Variants in ZNF618 observed in about 807,000 individuals in gnomAD.
ZNF618 encodes neural precursor cell expressed, developmentally down-regulated 10.
ZNF618 carries 34 observed loss-of-function variants against 103.0 expected under a neutral mutation model. That is an observed-to-expected ratio of 0.33 (90% confidence interval 0.25 to 0.44). The LOEUF (loss-of-function observed/expected upper bound fraction) is 0.44. Ranked by LOEUF, ZNF618 falls within the 20% of genes least tolerant of loss-of-function variation. ZNF618 has a pLI of 1.00. For missense variants in ZNF618, 1,059 were observed against 1,295.4 expected (o/e 0.82, Z 2.80); for synonymous variants, 551 against 542.2 (o/e 1.02, Z -0.23).
intron 9 of ZNF618, 128 bp downstream of exon 9, chr9:114,008,682 C>A: frequency 9.2e-7 from 1 of 1,084,400 alleles, no homozygotes; most frequent in Non-Finnish European, 1.4e-6. Flanking sequence ...GGTGCCCAAC[C>A]TGTCAGTTGG....
intron 11 of ZNF618, 79 bp from the exon 12 acceptor site, chr9:114,032,566 C>CGAAG (rs1414825076): frequency 1.2e-5 from 16 of 1,381,728 alleles, no homozygotes; most frequent in African/African-American, 1.4e-5. Flanking sequence ...CCTTGGCCTT[C>CGAAG]ACCCAGCCTA....
At chr9:114,037,665 G>C (rs542412083) in intron 13 of ZNF618, among the ~76,000 whole-genome samples, 1 of 152,256 alleles carries the variant, frequency 6.6e-6, no homozygotes, top group East Asian at 1.9e-4. Context: ...CATCTCCCAG[G>C]TCTGGCCTGA....
chr9:113,989,905 C>A (rs1839868523), intron 3 of ZNF618, among the ~76,000 whole-genome samples: 1 of 152,240 alleles, frequency 6.6e-6, no homozygotes, highest in South Asian at 2.1e-4. Context: ...TGCCAGGAGG[C>A]CTTGGCCAAA....
In ZNF618 at chr9:114,049,077, G is replaced by A. The variant is rs1009002146; in HGVS notation, c.1775G>A (p.Gly592Asp). 2 of 1,613,880 alleles carry A rather than the reference G, an allele frequency of 1.2e-6. No individual in the cohort carries two copies. The highest frequency in any genetic ancestry group is 1.3e-5 in the African/African-American group (1 of 75,074). The change falls in exon 15 of 15, where the codon GGT becomes GAT. Residue 592 changes from glycine (G) to aspartate (D), a missense_variant. Physicochemically the swap from Gly to Asp is moderately conservative, Grantham distance 94 (BLOSUM62 -1). Coordinates refer to ENST00000374126, the MANE Select transcript of ZNF618 (RefSeq NM_001318042.2). ...GVKGADIRDS[G>D]DLVHHWVQNV... Reference sequence around the variant, plus strand: ...AAGGGTGCGGACATTCGCGACAGCGGTGACCTTGTGCACCACTGGGTGCAG... The same window carrying A: ...AAGGGTGCGGACATTCGCGACAGCGATGACCTTGTGCACCACTGGGTGCAG...
chr9:113,936,104 G>A (rs1013737595), intron 1 of ZNF618, among the ~76,000 whole-genome samples: 2 of 152,102 alleles, frequency 1.3e-5, no homozygotes, highest in African/African-American at 2.4e-5. Flanking sequence ...ATAGGCTCGA[G>A]CCTCCATGTC....
intron 1 of ZNF618, among the ~76,000 whole-genome samples, chr9:113,927,167 T>A (rs1300828391): frequency 6.6e-6 from 1 of 152,224 alleles, no homozygotes. Flanking sequence ...TAGTAGTAGG[T>A]ACAGAGGTAA....
chr9:114,031,213 C>T (rs1432249005), intron 11 of ZNF618, among the ~76,000 whole-genome samples: 2 of 152,174 alleles, frequency 1.3e-5, no homozygotes, highest in Non-Finnish European at 2.9e-5. Flanking sequence ...ATAGGAGGTG[C>T]TCAGCGAATG....
chr9:113,946,615 T>C (rs1289643076), intron 1 of ZNF618, among the ~76,000 whole-genome samples: 3 of 152,068 alleles, frequency 2.0e-5, no homozygotes, highest in Admixed American at 1.3e-4. Context: ...CAGTGCGAGG[T>C]AGGGGGCAAG....
intron 2 of ZNF618, among the ~76,000 whole-genome samples, chr9:113,970,431 CCA>C (rs1458193996): frequency 6.6e-6 from 1 of 152,076 alleles, no homozygotes; most frequent in Non-Finnish European, 1.5e-5. Flanking sequence ...TCTCTGTAAC[CCA>C]GAGACCTGTA....
chr9:114,037,095 C>T (rs189771108), intron 13 of ZNF618, among the ~76,000 whole-genome samples: 1 of 152,248 alleles, frequency 6.6e-6, no homozygotes, highest in Non-Finnish European at 1.5e-5. Flanking sequence ...CATTTCACCA[C>T]GGCATAACAC....
chr9:114,008,978 A>C (rs899677053), intron 9 of ZNF618, among the ~76,000 whole-genome samples: 3 of 152,228 alleles, frequency 2.0e-5, no homozygotes, highest in Admixed American at 6.5e-5. Context: ...AACACGTCGT[A>C]GTCACCTGAA....
In ZNF618 at chr9:113,923,812, G is replaced by C. The variant is rs367727057; in HGVS notation, c.34-45305G>C. Among the ~76,000 whole-genome samples, 20 of 152,138 alleles carry C rather than the reference G, an allele frequency of 1.3e-4. No individual in the cohort carries two copies. The East Asian group carries it at 2.9e-3, about 22-fold the overall frequency. On this transcript the variant is annotated intron_variant, in intron 1 of 14. Transcript: ENST00000374126. Reference sequence around the variant, plus strand: ...CCCTTATCTGAAATGCCTGGGACCTGAAGTATTTTGGATTTCAGACTTCTT... The same window carrying C: ...CCCTTATCTGAAATGCCTGGGACCTCAAGTATTTTGGATTTCAGACTTCTT...
chr9:113,995,488 A>G (rs915190759), intron 3 of ZNF618, among the ~76,000 whole-genome samples: 2 of 152,200 alleles, frequency 1.3e-5, no homozygotes, highest in East Asian at 3.9e-4. Context: ...AAGATTCGAC[A>G]TTAATTTAAT....
intron 1 of ZNF618, among the ~76,000 whole-genome samples, chr9:113,967,933 G>A (rs140091863): frequency 6.0e-4 from 66 of 109,858 alleles, no homozygotes; most frequent in African/African-American, 2.0e-3. Flanking sequence ...CCTTTTTTCA[G>A]TGCAATTCTT....
chr9:113,992,594 G>A (rs1024085147), intron 3 of ZNF618, among the ~76,000 whole-genome samples: 3 of 152,132 alleles, frequency 2.0e-5, no homozygotes, highest in Admixed American at 1.3e-4. Flanking sequence ...TGAGTACTTC[G>A]CTAACCCAGC....
At position 113,934,018 on chromosome 9, in the gene ZNF618, G is replaced by A. The variant is rs147805223; in HGVS notation, c.34-35099G>A. Reference sequence around the variant, plus strand: ...GGTGTTACCTGGGAGCAGGGGTTGAGCTGGTGGGCTGGGGACAGGGGAGAG... The same window carrying A: ...GGTGTTACCTGGGAGCAGGGGTTGAACTGGTGGGCTGGGGACAGGGGAGAG... On this transcript the variant is annotated intron_variant, in intron 1 of 14. Transcript: ENST00000374126. Among the ~76,000 whole-genome samples, 17 of 152,192 alleles carry A rather than the reference G, an allele frequency of 1.1e-4. No individual in the cohort carries two copies. In the East Asian group the frequency reaches 3.3e-3, roughly 29 times the overall value.
intron 1 of ZNF618, among the ~76,000 whole-genome samples, chr9:113,935,264 C>T (rs1833934826): frequency 6.6e-6 from 1 of 152,202 alleles, no homozygotes; most frequent in South Asian, 2.1e-4. Context: ...AGCAGATGGA[C>T]ATTGCCCCCC....
chr9:113,998,943 C>T lies in ZNF618; in HGVS notation c.433+589C>T, dbSNP rs576851214. On this transcript the variant is annotated intron_variant, in intron 4 of 14. Coordinates refer to ENST00000374126, the MANE Select transcript of ZNF618 (RefSeq NM_001318042.2). ...CAGGCCCTGTGCTAAGGAGCCACCA[C>T]GTTATCCCTCACAACCCGTTCCCCT... 1.1e-3 allele frequency among the ~76,000 whole-genome samples: 168 copies of T among 152,356 alleles called. 1 individual carries two copies. Among genetic ancestry groups the T allele is most frequent in the African/African-American group, 3.8e-3 (160 of 41,584 alleles).
intron 1 of ZNF618, among the ~76,000 whole-genome samples, chr9:113,891,368 A>G (rs1829604423): frequency 6.6e-6 from 1 of 152,248 alleles, no homozygotes; most frequent in Non-Finnish European, 1.5e-5. Context: ...GAAGAAATAT[A>G]CAGATGGCCA....
Sources: gnomAD v4.1 joint callset for allele counts (sites outside exome capture counted in the v4.1 genomes callset) on GRCh38, gnomAD v4.1.1 for gene constraint, MANE v1.5 for transcripts, NCBI Gene and HGNC (gene_info 2026-07-23, HGNC 2026-07-21) for gene names.